The following SLCO3A1 variants were observed in gnomAD, a reference collection of about 807,000 sequenced individuals.
SLCO3A1 encodes the protein solute carrier organic anion transporter family member 3A1.
In SLCO3A1, 27 loss-of-function variants were observed where a neutral mutation model predicts 63.1. That is an observed-to-expected ratio of 0.43 (90% CI 0.32 to 0.59). The LOEUF is 0.59. Ranked by LOEUF, SLCO3A1 falls within the 20% of genes least tolerant of loss-of-function variation. The pLI, the probability that SLCO3A1 is intolerant of heterozygous loss-of-function variation, is 0.09. For synonymous variants in SLCO3A1, 473 were observed against 409.9 expected (o/e 1.15, Z -1.86); for missense variants, 773 against 945.8 (o/e 0.82, Z 2.40).
At chr15:92,065,527 A>T (rs530773526) in intron 2 of SLCO3A1, among the ~76,000 whole-genome samples, 2 of 152,256 alleles carry the variant, frequency 1.3e-5, no homozygotes, top group Admixed American at 6.5e-5. Context: ...ATGGAGACAA[A>T]CTGGAGTCTC....
At chr15:91,986,881 A>C (rs1214038604) in intron 2 of SLCO3A1, among the ~76,000 whole-genome samples, 1 of 152,246 alleles carries the variant, frequency 6.6e-6, no homozygotes, top group Non-Finnish European at 1.5e-5. Flanking sequence ...ATGTCAAGGC[A>C]TATGGGGAGA....
intron 2 of SLCO3A1, among the ~76,000 whole-genome samples, chr15:92,028,276 T>C (rs952196605): frequency 1.6e-4 from 25 of 151,832 alleles, no homozygotes; most frequent in Admixed American, 3.3e-4. Flanking sequence ...GATGGTTGAG[T>C]CCAAATCCGA....
intron 7 of SLCO3A1, among the ~76,000 whole-genome samples, chr15:92,146,433 C>T (rs987216253): frequency 6.6e-5 from 10 of 152,384 alleles, no homozygotes; most frequent in African/African-American, 2.4e-4. Context: ...GCTTCCTCAG[C>T]CTCCAGAGAA....
intron 7 of SLCO3A1, among the ~76,000 whole-genome samples, chr15:92,140,496 G>T (rs12902354): frequency 0.13 from 19,731 of 151,720 alleles, 1,623 homozygotes; most frequent in Non-Finnish European, 0.17. Context: ...TATTAGGTCC[G>T]CTTGGTGCAG....
intron 2 of SLCO3A1, among the ~76,000 whole-genome samples, chr15:91,930,149 T>C (rs551888125): frequency 6.6e-6 from 1 of 152,270 alleles, no homozygotes; most frequent in African/African-American, 2.4e-5. Context: ...CCCTCTCTCT[T>C]CCTGCATTTA....
At chr15:92,130,884 GCAAAAA>G (rs1250630602) in intron 7 of SLCO3A1, among the ~76,000 whole-genome samples, 8 of 107,328 alleles carry the variant, frequency 7.5e-5, no homozygotes, top group East Asian at 5.6e-4. Context: ...CAAGTTCGGG[GCAAAAA>G]AAAAAAAAAA....
intron 7 of SLCO3A1, among the ~76,000 whole-genome samples, chr15:92,134,723 A>T (rs866005580): frequency 6.6e-6 from 1 of 152,240 alleles, no homozygotes; most frequent in Non-Finnish European, 1.5e-5. Flanking sequence ...ATCTAAAATG[A>T]TTATCACTTT....
At position 92,152,663 on chromosome 15, in the gene SLCO3A1, C is replaced by T. The variant is rs556275147; in HGVS notation, c.1753+1649C>T. Among the ~76,000 whole-genome samples, 14 of 152,212 alleles carry T rather than the reference C, an allele frequency of 9.2e-5. 1 individual carries two copies. Among genetic ancestry groups the T allele is most frequent in the South Asian group, 6.2e-4 (3 of 4,832 alleles). On this transcript the variant is annotated intron_variant, in intron 9 of 9. Coordinates refer to ENST00000318445, the MANE Select transcript of SLCO3A1 (RefSeq NM_013272.4). ...GCTCTCACTGCAGTGTGGGGTGGAT[C>T]GATAGGTGGATGTGTAATATTAACT...
intron 2 of SLCO3A1, among the ~76,000 whole-genome samples, chr15:92,069,065 A>C (rs961033567): frequency 1.3e-5 from 2 of 151,900 alleles, no homozygotes; most frequent in Non-Finnish European, 2.9e-5. Flanking sequence ...CCATGCTCCA[A>C]ATCAGTGCTT....
In SLCO3A1 at chr15:91,863,429, A is replaced by C. The variant is rs1019704094; in HGVS notation, c.180+9341A>C. Among the ~76,000 whole-genome samples the C allele has an allele frequency of 3.9e-5, 6 of 152,232 alleles. No individual in the cohort carries two copies. Among genetic ancestry groups the C allele is most frequent in the Admixed American group, 1.3e-4 (2 of 15,282 alleles). On this transcript the variant is annotated intron_variant, in intron 1 of 9. Transcript: ENST00000318445. This position sits in a 1 kb window ranked among gnomAD's most constrained non-coding sequence, Gnocchi z 4.3. ...GCAGTGTAGTGGGATGGCCGTGAGT[A>C]CAACCACTGCCGGTTGTGACAGACA... is the stretch of plus-strand genomic sequence containing the variant.
In SLCO3A1 at chr15:91,875,214, C is replaced by T. The variant is rs984909278; in HGVS notation, c.180+21126C>T. Among the ~76,000 whole-genome samples the T allele has an allele frequency of 6.6e-6, 1 of 152,196 alleles. No individual in the cohort carries two copies. The highest frequency in any genetic ancestry group is 1.5e-5 in the Non-Finnish European group (1 of 68,048). On this transcript the variant is annotated intron_variant, in intron 1 of 9. Coordinates refer to ENST00000318445, the MANE Select transcript of SLCO3A1 (RefSeq NM_013272.4). This position sits in a 1 kb window ranked among gnomAD's most constrained non-coding sequence, Gnocchi z 4.5. ...GCTGTGTGTACCTGACACATGTCAT[C>T]TCATTTAGTCCTTTAGGGGCGGCAG...
intron 2 of SLCO3A1, among the ~76,000 whole-genome samples, chr15:91,985,169 T>C (rs1597188681): frequency 6.6e-6 from 1 of 152,338 alleles, no homozygotes; most frequent in African/African-American, 2.4e-5. Context: ...TCTTTTGATA[T>C]CTGTTACCTT....
At position 91,941,520 on chromosome 15, in the gene SLCO3A1, G is replaced by C; in HGVS notation, c.646+25062G>C. 1 of 455,892 alleles carries C rather than the reference G, an allele frequency of 2.2e-6. No homozygotes were observed. Among genetic ancestry groups the C allele is most frequent in the South Asian group, 1.5e-5 (1 of 64,530 alleles). 28.2% of individuals were successfully genotyped at this position (455,892 alleles called of 1,614,324 possible). A position where few individuals can be genotyped will look rare whatever the true frequency, so the allele number is the denominator to read the frequency against. On this transcript the variant is annotated intron_variant, in intron 2 of 9. Transcript: ENST00000318445. The surrounding 1 kb of genome is among the most constrained non-coding windows in gnomAD (Gnocchi z 4.4). ...TGAGTGACCTTGGCCAAGTTACCTAGCTTTTCTGAGCCTCACTTTCTTGGC... is the reference window on the plus strand; with the variant it reads ...TGAGTGACCTTGGCCAAGTTACCTACCTTTTCTGAGCCTCACTTTCTTGGC...
intron 4 of SLCO3A1, among the ~76,000 whole-genome samples, chr15:92,118,631 C>T (rs887952021): frequency 5.9e-5 from 9 of 152,138 alleles, no homozygotes; most frequent in Non-Finnish European, 1.3e-4. Flanking sequence ...TGATAATTAG[C>T]TCTCTTCTTT....
At chr15:92,055,446 T>C (rs1367619856) in intron 2 of SLCO3A1, among the ~76,000 whole-genome samples, 1 of 152,238 alleles carries the variant, frequency 6.6e-6, no homozygotes, top group Non-Finnish European at 1.5e-5. Flanking sequence ...ACTTCTTTAG[T>C]TTAATTAGAT....
At chr15:92,124,933 CG>C (rs2047903627) in intron 5 of SLCO3A1, among the ~76,000 whole-genome samples, 1 of 152,026 alleles carries the variant, frequency 6.6e-6, no homozygotes, top group Non-Finnish European at 1.5e-5. Context: ...ATGGGCAGTG[CG>C]GTGCAGGATG....
chr15:92,004,601 G>A (rs184451519), intron 2 of SLCO3A1, among the ~76,000 whole-genome samples: 3 of 152,288 alleles, frequency 2.0e-5, no homozygotes, highest in East Asian at 1.9e-4. Flanking sequence ...TCACTCCCTG[G>A]ATTAGATGTC....
chr15:92,113,120 A>G (rs2283462), intron 4 of SLCO3A1, among the ~76,000 whole-genome samples: 66,439 of 152,022 alleles, frequency 0.44, 14,618 homozygotes, highest in East Asian at 0.53. Flanking sequence ...GTTGGGTCTG[A>G]ATAAGACGTT....
intron 2 of SLCO3A1, among the ~76,000 whole-genome samples, chr15:92,047,506 T>TAA (rs1302705181): frequency 6.6e-5 from 2 of 30,236 alleles, no homozygotes; most frequent in African/African-American, 2.4e-4. Flanking sequence ...TATATATAAA[T>TAA]ATATATAAAT....
Sources: gnomAD v4.1 joint callset for allele counts (sites outside exome capture counted in the v4.1 genomes callset) on GRCh38, gnomAD v4.1.1 for gene constraint, Gnocchi (gnomAD v3.1) non-coding constraint, MANE v1.5 for transcripts, NCBI Gene and HGNC (gene_info 2026-07-23, HGNC 2026-07-21) for gene names.